The following UBE2E2 variants were observed in gnomAD, a reference collection of about 807,000 sequenced individuals.
The protein encoded by UBE2E2 is ubiquitin-conjugating enzyme E2 E2.
In UBE2E2, 6 loss-of-function variants were observed where a neutral mutation model predicts 24.7. The ratio of observed to expected loss-of-function variants is 0.24; its 90% CI spans 0.13 to 0.48. The LOEUF (loss-of-function observed/expected upper bound fraction) is 0.48. Ranked by LOEUF, UBE2E2 falls within the 20% of genes least tolerant of loss-of-function variation. UBE2E2 has a pLI of 0.99. For missense variants in UBE2E2, 169 were observed against 245.0 expected, an observed-to-expected ratio of 0.69 and a Z score of 2.07; for synonymous variants, 104 against 83.6, an observed-to-expected ratio of 1.24 and a Z score of -1.33.
intron 3 of UBE2E2, among the ~76,000 whole-genome samples, chr3:23,396,335 A>G (rs1697076631): frequency 6.8e-6 from 1 of 147,182 alleles, no homozygotes; most frequent in Non-Finnish European, 1.5e-5. Context: ...ATATACGTAT[A>G]TATATATATA....
chr3:23,298,129 A>C (rs552323686), intron 3 of UBE2E2, among the ~76,000 whole-genome samples: 1 of 152,290 alleles, frequency 6.6e-6, no homozygotes, highest in African/African-American at 2.4e-5. Context: ...ATTTTTGTAC[A>C]TTGAATTTGT....
chr3:23,384,957 A>G (rs1265170290), intron 3 of UBE2E2, among the ~76,000 whole-genome samples: 1 of 151,682 alleles, frequency 6.6e-6, no homozygotes, highest in Non-Finnish European at 1.5e-5. Flanking sequence ...TTTGAGATAG[A>G]GTCTCACTTT....
At chr3:23,521,275 A>G (rs1301483752) in intron 4 of UBE2E2, among the ~76,000 whole-genome samples, 7 of 152,226 alleles carry the variant, frequency 4.6e-5, no homozygotes, top group African/African-American at 1.7e-4. Flanking sequence ...AAAGGAGGAC[A>G]TTCTCCTTCT....
chr3:23,252,911 G>T (rs1697614020), intron 3 of UBE2E2, among the ~76,000 whole-genome samples: 1 of 152,160 alleles, frequency 6.6e-6, no homozygotes, highest in Non-Finnish European at 1.5e-5. Context: ...TATCTAAATT[G>T]ATTAATCAGC....
intron 3 of UBE2E2, among the ~76,000 whole-genome samples, chr3:23,373,519 G>C (rs957940708): frequency 6.6e-6 from 1 of 152,138 alleles, no homozygotes; most frequent in African/African-American, 2.4e-5. Context: ...AACAGCCATG[G>C]AAAACACTTC....
intron 3 of UBE2E2, among the ~76,000 whole-genome samples, chr3:23,298,576 A>G (rs1474030824): frequency 2.0e-5 from 3 of 151,788 alleles, no homozygotes; most frequent in Non-Finnish European, 2.9e-5. Context: ...TTCTGTTTAT[A>G]TGCTGGATTA....
chr3:23,527,861 C>T (rs1695035630), intron 4 of UBE2E2, among the ~76,000 whole-genome samples: 1 of 151,730 alleles, frequency 6.6e-6, no homozygotes, highest in Non-Finnish European at 1.5e-5. Flanking sequence ...TTACCTTATG[C>T]TTATCTTCTT....
intron 4 of UBE2E2, among the ~76,000 whole-genome samples, chr3:23,508,467 A>G (rs777347494): frequency 1.3e-5 from 2 of 152,208 alleles, no homozygotes; most frequent in Non-Finnish European, 2.9e-5. Context: ...TCTATAGTCT[A>G]ATGCAGTTTG....
intron 3 of UBE2E2, among the ~76,000 whole-genome samples, chr3:23,419,306 C>A (rs966346417): frequency 6.6e-6 from 1 of 152,072 alleles, no homozygotes; most frequent in Admixed American, 6.5e-5. Context: ...GTAATAACCC[C>A]CTAAGCTTTG....
chr3:23,501,340 G>A (rs1699717007), intron 4 of UBE2E2, among the ~76,000 whole-genome samples: 3 of 152,258 alleles, frequency 2.0e-5, no homozygotes, highest in Non-Finnish European at 2.9e-5. Flanking sequence ...GAGTCAAATC[G>A]CATTCTTGAC....
At chr3:23,323,250 T>C (rs1694793037) in intron 3 of UBE2E2, among the ~76,000 whole-genome samples, 1 of 152,160 alleles carries the variant, frequency 6.6e-6, no homozygotes, top group South Asian at 2.1e-4. Flanking sequence ...GTTTGGTGTT[T>C]AAGTAAATTG....
At chr3:23,306,436 T>C (rs1441011068) in intron 3 of UBE2E2, among the ~76,000 whole-genome samples, 1 of 152,198 alleles carries the variant, frequency 6.6e-6, no homozygotes, top group Non-Finnish European at 1.5e-5. Context: ...CCCTTCCCCA[T>C]GCATTCATTG....
At chr3:23,221,226 C>T (rs1252441483) in intron 3 of UBE2E2, among the ~76,000 whole-genome samples, 10 of 152,140 alleles carry the variant, frequency 6.6e-5, no homozygotes. Context: ...GTTTACACTT[C>T]TATTTCTATG....
intron 3 of UBE2E2, among the ~76,000 whole-genome samples, chr3:23,370,498 T>C (rs1323281244): frequency 2.6e-5 from 4 of 152,238 alleles, no homozygotes; most frequent in Non-Finnish European, 4.4e-5. Flanking sequence ...CCTGTTGTTA[T>C]ATAGCCTTTC....
chr3:23,398,510 G>T (rs939892173), intron 3 of UBE2E2, among the ~76,000 whole-genome samples: 17 of 152,110 alleles, frequency 1.1e-4, no homozygotes, highest in African/African-American at 3.9e-4. Context: ...GATAACTTGT[G>T]GTGGGAAAAG....
chr3:23,558,594 A>G (rs557161610), intron 5 of UBE2E2, among the ~76,000 whole-genome samples: 5 of 152,146 alleles, frequency 3.3e-5, no homozygotes, highest in Non-Finnish European at 7.4e-5. Flanking sequence ...AATTTATAGA[A>G]TCTTATTCTT....
At chr3:23,372,032 C>T (rs1216621729) in intron 3 of UBE2E2, among the ~76,000 whole-genome samples, 1 of 152,012 alleles carries the variant, frequency 6.6e-6, no homozygotes, top group African/African-American at 2.4e-5. Context: ...GCAGGAGAAT[C>T]GCTTGAACCC....
At chr3:23,469,665 T>C (rs1698994071) in intron 3 of UBE2E2, among the ~76,000 whole-genome samples, 1 of 152,226 alleles carries the variant, frequency 6.6e-6, no homozygotes, top group African/African-American at 2.4e-5. Context: ...AGCTATATTT[T>C]ATAATGCATA....
chr3:23,526,367 T>G (rs1694998484), intron 4 of UBE2E2, among the ~76,000 whole-genome samples: 1 of 152,164 alleles, frequency 6.6e-6, no homozygotes, highest in Non-Finnish European at 1.5e-5. Context: ...TCTTCCAGCT[T>G]TTACTCTTAA....
Sources: gnomAD v4.1 joint callset for allele counts (sites outside exome capture counted in the v4.1 genomes callset) on GRCh38, gnomAD v4.1.1 for gene constraint, MANE v1.5 for transcripts, NCBI Gene and HGNC (gene_info 2026-07-23, HGNC 2026-07-21) for gene names.